Variants in RAB38 observed in about 807,000 individuals in gnomAD.
RAB38 encodes the protein ras-related protein Rab-38.
Under a neutral mutation model 18.4 loss-of-function variants are expected in RAB38, and 15 were observed. The ratio of observed to expected loss-of-function variants is 0.82; its 90% CI spans 0.55 to 1.26. The LOEUF (loss-of-function observed/expected upper bound fraction) is 1.26, where lower values mean the gene tolerates loss of function less well. Among genes scored for constraint, RAB38 ranks in the 50% most tolerant of loss-of-function variants. The pLI, the probability that RAB38 is intolerant of heterozygous loss-of-function variation, is 0.00. For missense variants in RAB38, 294 were observed against 267.4 expected (o/e 1.10, Z -0.69); for synonymous variants, 101 against 104.4 (o/e 0.97, Z 0.20).
chr11:88,051,350 C>G, the RAB38 span, among the ~76,000 whole-genome samples: 1 of 151,980 alleles, frequency 6.6e-6, no homozygotes, highest in African/African-American at 2.4e-5. Context: ...ATGCATAGAT[C>G]TGATTCTAAT....
chr11:88,160,983 A>C (rs534817876), intron 1 of RAB38, among the ~76,000 whole-genome samples: 1 of 148,236 alleles, frequency 6.7e-6, no homozygotes, highest in East Asian at 1.9e-4. Flanking sequence ...CTGAATCTAT[A>C]ATAAAAGTTT....
At chr11:88,072,201 A>T in the RAB38 span, among the ~76,000 whole-genome samples, 10 of 152,370 alleles carry the variant, frequency 6.6e-5, no homozygotes, top group African/African-American at 2.4e-4. Context: ...TTGAAGAAAG[A>T]GGAAGCTTGT....
At chr11:88,070,814 G>A in the RAB38 span, among the ~76,000 whole-genome samples, 1 of 152,198 alleles carries the variant, frequency 6.6e-6, no homozygotes, top group East Asian at 1.9e-4. Flanking sequence ...AGATAACTGA[G>A]GTTGCAAGAC....
chr11:87,857,630 T>C, the RAB38 span, among the ~76,000 whole-genome samples: 1 of 152,218 alleles, frequency 6.6e-6, no homozygotes, highest in Non-Finnish European at 1.5e-5. Flanking sequence ...ATGAGAATTT[T>C]TTCATGTGTC....
the RAB38 span, among the ~76,000 whole-genome samples, chr11:88,050,901 T>G: frequency 2.6e-5 from 4 of 152,286 alleles, no homozygotes; most frequent in African/African-American, 9.6e-5. Flanking sequence ...ATTTTTTTTC[T>G]GCCTGTCTTC....
chr11:88,115,110 A>G (rs1051130631), intron 2 of RAB38, among the ~76,000 whole-genome samples: 1 of 152,240 alleles, frequency 6.6e-6, no homozygotes, highest in Non-Finnish European at 1.5e-5. Context: ...CAGAAACCTA[A>G]GACATATAGA....
At chr11:87,912,760 T>C in the RAB38 span, among the ~76,000 whole-genome samples, 2 of 91,330 alleles carry the variant, frequency 2.2e-5, no homozygotes, top group South Asian at 4.8e-4. Context: ...TTAATTTTCT[T>C]TCTTTCTTTT....
chr11:87,808,096 A>C, the RAB38 span, among the ~76,000 whole-genome samples: 1,102 of 152,326 alleles, frequency 7.2e-3, 13 homozygotes, highest in African/African-American at 0.025. Context: ...TCACACTTGC[A>C]CATTATTGGT....
At chr11:87,944,546 T>A in the RAB38 span, among the ~76,000 whole-genome samples, 1 of 152,136 alleles carries the variant, frequency 6.6e-6, no homozygotes, top group South Asian at 2.1e-4. Flanking sequence ...TACTCTTCTC[T>A]CAGCTGCTTC....
At chr11:87,941,971 T>C in the RAB38 span, among the ~76,000 whole-genome samples, 1 of 152,136 alleles carries the variant, frequency 6.6e-6, no homozygotes, top group African/African-American at 2.4e-5. Context: ...TCTTGCTCCT[T>C]GTCTGGGTAT....
chr11:88,035,926 T>C, the RAB38 span, among the ~76,000 whole-genome samples: 1 of 152,116 alleles, frequency 6.6e-6, no homozygotes, highest in East Asian at 1.9e-4. Flanking sequence ...CTCTAATGAT[T>C]TCAAACCACT....
the RAB38 span, among the ~76,000 whole-genome samples, chr11:88,044,835 C>T: frequency 2.0e-5 from 3 of 152,194 alleles, no homozygotes; most frequent in South Asian, 2.1e-4. Flanking sequence ...GGCTGCTCCC[C>T]GCCAGGCCGA....
chr11:88,118,365 C>T (rs1012786536), intron 2 of RAB38, among the ~76,000 whole-genome samples: 4 of 152,346 alleles, frequency 2.6e-5, no homozygotes, highest in Admixed American at 2.6e-4. Context: ...ACCTCCCTCT[C>T]CCCATTAACC....
chr11:88,132,650 G>A (rs2134798115), intron 2 of RAB38, among the ~76,000 whole-genome samples: 2 of 151,918 alleles, frequency 1.3e-5, no homozygotes, highest in East Asian at 3.9e-4. Context: ...GTAGAGATGG[G>A]GTTTCTCCAT....
At chr11:88,173,932 T>C (rs1263968838) in intron 1 of RAB38, 2 of 985,466 alleles carry the variant, frequency 2.0e-6, no homozygotes, top group South Asian at 4.7e-5. Flanking sequence ...ACATTTGTTC[T>C]AGTTTCAAGC....
chr11:87,872,201 A>G, the RAB38 span, among the ~76,000 whole-genome samples: 1 of 151,568 alleles, frequency 6.6e-6, no homozygotes. Context: ...ACATTATCAT[A>G]TGCATATTGG....
chr11:87,822,688 C>A, the RAB38 span, among the ~76,000 whole-genome samples: 1 of 152,142 alleles, frequency 6.6e-6, no homozygotes, highest in Non-Finnish European at 1.5e-5. Flanking sequence ...TTTTTATAAC[C>A]TAATCACTTC....
chr11:87,959,492 A>T, the RAB38 span, among the ~76,000 whole-genome samples: 9 of 152,310 alleles, frequency 5.9e-5, no homozygotes, highest in East Asian at 1.7e-3. Flanking sequence ...TTGTGGAATA[A>T]TTCCTCTGTG....
the RAB38 span, among the ~76,000 whole-genome samples, chr11:87,936,983 A>G: frequency 6.6e-6 from 1 of 151,890 alleles, no homozygotes; most frequent in Non-Finnish European, 1.5e-5. Context: ...GCCTTACTAC[A>G]ATGGCGAGAA....
Sources: allele counts gnomAD v4.1 joint callset (sites outside exome capture counted in the v4.1 genomes callset), GRCh38; gene constraint gnomAD v4.1.1; transcripts MANE v1.5; gene names NCBI Gene and HGNC (gene_info 2026-07-23, HGNC 2026-07-21).